Variants in CFAP299 observed in about 807,000 individuals in gnomAD.
CFAP299 encodes cilia and flagella associated protein 299, also known as cilia- and flagella-associated protein 299.
A neutral mutation model predicts 27.0 loss-of-function variants in CFAP299; 21 were observed. The ratio of observed to expected loss-of-function variants is 0.78; its 90% CI spans 0.55 to 1.12. The LOEUF (loss-of-function observed/expected upper bound fraction) is 1.12, where lower values mean the gene tolerates loss of function less well. Among genes scored for constraint, CFAP299 ranks in the 50% most tolerant of loss-of-function variants. CFAP299 has a pLI of 0.00. For synonymous variants in CFAP299, 104 were observed against 98.1 expected, an observed-to-expected ratio of 1.06 and a Z score of -0.36; for missense variants, 310 against 276.6, an observed-to-expected ratio of 1.12 and a Z score of -0.86.
At chr4:80,458,224 A>C (rs937304901) in intron 2 of CFAP299, among the ~76,000 whole-genome samples, 1 of 152,236 alleles carries the variant, frequency 6.6e-6, no homozygotes, top group Non-Finnish European at 1.5e-5. Flanking sequence ...ATATACATTT[A>C]AAACAAATAA....
intron 2 of CFAP299, among the ~76,000 whole-genome samples, chr4:80,450,738 T>C (rs1728860730): frequency 6.6e-6 from 1 of 152,082 alleles, no homozygotes. Context: ...AAAGAGATTT[T>C]AAAAACTGAT....
At chr4:80,375,451 A>G (rs1250783235) in intron 2 of CFAP299, among the ~76,000 whole-genome samples, 2 of 152,142 alleles carry the variant, frequency 1.3e-5, no homozygotes, top group African/African-American at 4.8e-5. Context: ...GCCTGTCTGC[A>G]CATGACTTCA....
chr4:80,903,249 A>C (rs757533300), intron 4 of CFAP299, among the ~76,000 whole-genome samples: 12 of 152,082 alleles, frequency 7.9e-5, no homozygotes, highest in Non-Finnish European at 1.8e-4. Context: ...GTTCTTACCC[A>C]TATCATTAGA....
intron 4 of CFAP299, among the ~76,000 whole-genome samples, chr4:80,892,426 T>G (rs1734354782): frequency 6.6e-6 from 1 of 152,218 alleles, no homozygotes; most frequent in Non-Finnish European, 1.5e-5. Context: ...TTGGGGAATC[T>G]CTCCAGGACA....
At chr4:80,887,885 T>C (rs1734049873) in intron 4 of CFAP299, among the ~76,000 whole-genome samples, 1 of 152,004 alleles carries the variant, frequency 6.6e-6, no homozygotes, top group African/African-American at 2.4e-5. Flanking sequence ...TTGTATATAA[T>C]CCGTATTAAG....
chr4:80,680,437 T>A (rs1719766645), intron 3 of CFAP299, among the ~76,000 whole-genome samples: 1 of 152,178 alleles, frequency 6.6e-6, no homozygotes, highest in Non-Finnish European at 1.5e-5. Context: ...TCCTTAGAAC[T>A]TTGTTTTCAT....
chr4:80,697,468 A>G (rs536855571), intron 3 of CFAP299, among the ~76,000 whole-genome samples: 126 of 152,342 alleles, frequency 8.3e-4, no homozygotes, highest in African/African-American at 2.9e-3. Flanking sequence ...AGCCACTAAT[A>G]TCCTGATTCC....
chr4:80,521,728 G>A (rs1732921884), intron 2 of CFAP299, among the ~76,000 whole-genome samples: 1 of 151,478 alleles, frequency 6.6e-6, no homozygotes, highest in African/African-American at 2.4e-5. Flanking sequence ...TTCTGTGACT[G>A]GCATATTTTA....
In CFAP299 at chr4:80,724,881, TTTTC is replaced by T. The variant is rs368826847; in HGVS notation, c.333+141718_333+141721del. ...TCCTTTCCTTCCTTCTTTCCTTTCTTTTTCTTTCTTTCTTTCTTTCTTTTTCTTT... is the reference window on the plus strand; with the variant it reads ...TCCTTTCCTTCCTTCTTTCCTTTCTTTTTCTTTCTTTCTTTCTTTTTCTTT... On this transcript the variant is annotated intron_variant, in intron 3 of 5. Transcript: ENST00000358105. 3.7e-3 allele frequency among the ~76,000 whole-genome samples: 552 copies of T among 149,196 alleles called. 2 individuals carry two copies. Among genetic ancestry groups the T allele is most frequent in the African/African-American group, 0.011 (452 of 40,228 alleles).
In CFAP299 at chr4:80,555,424, T is replaced by C. The variant is rs1334008464; in HGVS notation, c.243-27669T>C. Among the ~76,000 whole-genome samples the C allele has an allele frequency of 3.9e-5, 6 of 152,138 alleles. No homozygotes were observed. In the South Asian group the frequency reaches 6.2e-4, roughly 16 times the overall value. On this transcript the variant is annotated intron_variant, in intron 2 of 5. Transcript: ENST00000358105. Reference sequence around the variant, plus strand: ...CAATATTTTGTTAAGGAGTTTTACATTGATGTTCATCAAAAGATACTGGCA... The same window carrying C: ...CAATATTTTGTTAAGGAGTTTTACACTGATGTTCATCAAAAGATACTGGCA...
chr4:80,926,345 T>A (rs1736305331), intron 4 of CFAP299, among the ~76,000 whole-genome samples: 1 of 151,968 alleles, frequency 6.6e-6, no homozygotes, highest in South Asian at 2.1e-4. Context: ...GGATATAATA[T>A]CTTATGTGAT....
chr4:80,649,463 A>G (rs1560676904), intron 3 of CFAP299, among the ~76,000 whole-genome samples: 1 of 152,296 alleles, frequency 6.6e-6, no homozygotes, highest in South Asian at 2.1e-4. Flanking sequence ...CAGAGACAGC[A>G]ATACTGAAAG....
intron 2 of CFAP299, among the ~76,000 whole-genome samples, chr4:80,568,947 T>C (rs1303024563): frequency 6.6e-6 from 1 of 152,092 alleles, no homozygotes; most frequent in African/African-American, 2.4e-5. Flanking sequence ...AAGTAAATTG[T>C]AAAGCAGGAG....
chr4:80,818,518 G>A (rs930308670), intron 3 of CFAP299, among the ~76,000 whole-genome samples: 1 of 152,060 alleles, frequency 6.6e-6, no homozygotes, highest in African/African-American at 2.4e-5. Context: ...CTTGAATAGT[G>A]AAGTTATTGA....
chr4:80,886,466 T>G (rs2110181402), intron 4 of CFAP299, among the ~76,000 whole-genome samples: 1 of 152,252 alleles, frequency 6.6e-6, no homozygotes, highest in African/African-American at 2.4e-5. Flanking sequence ...CACAAGAGTC[T>G]CTGCCTGGTA....
chr4:80,328,388 T>G, the CFAP299 span, among the ~76,000 whole-genome samples: 2 of 151,984 alleles, frequency 1.3e-5, no homozygotes, highest in East Asian at 3.9e-4. Context: ...TGAGAGAGGA[T>G]GATATCCAGA....
chr4:80,406,082 C>T (rs555549887), intron 2 of CFAP299, among the ~76,000 whole-genome samples: 1 of 152,076 alleles, frequency 6.6e-6, no homozygotes, highest in South Asian at 2.1e-4. Flanking sequence ...ACCTAATGTC[C>T]CACACAAGAT....
intron 2 of CFAP299, among the ~76,000 whole-genome samples, chr4:80,439,897 T>C (rs1438699121): frequency 6.6e-6 from 1 of 151,886 alleles, no homozygotes; most frequent in South Asian, 2.1e-4. Context: ...GAGGCTTGAG[T>C]AAGTGGTTTT....
chr4:80,720,591 C>A (rs939191834), intron 3 of CFAP299, among the ~76,000 whole-genome samples: 1 of 151,840 alleles, frequency 6.6e-6, no homozygotes, highest in Admixed American at 6.6e-5. Context: ...CAATTTTAAA[C>A]CTACCTTTTA....
Sources: allele counts gnomAD v4.1 joint callset (sites outside exome capture counted in the v4.1 genomes callset), GRCh38; gene constraint gnomAD v4.1.1; transcripts MANE v1.5; gene names NCBI Gene and HGNC (gene_info 2026-07-23, HGNC 2026-07-21).